SCMH1: variants seen among roughly 807,000 people sequenced by gnomAD.
SCMH1 encodes Scm polycomb group protein homolog 1.
A neutral mutation model predicts 70.8 loss-of-function variants in SCMH1; 37 were observed. The ratio of observed to expected loss-of-function variants is 0.52; its 90% CI spans 0.40 to 0.69. SCMH1 has a LOEUF of 0.69. Among genes scored for constraint, SCMH1 ranks in the 30% least tolerant of loss-of-function variants. The pLI is 0.00. For missense variants in SCMH1, 607 were observed against 827.3 expected (o/e 0.73, Z 3.27); for synonymous variants, 292 against 307.4 (o/e 0.95, Z 0.52).
At chr1:41,036,500 C>G (rs1217279016) in intron 13 of SCMH1, among the ~76,000 whole-genome samples, 1 of 152,216 alleles carries the variant, frequency 6.6e-6, no homozygotes, top group Non-Finnish European at 1.5e-5. Flanking sequence ...TGTCTCTGCC[C>G]TAACCCAGGC....
chr1:41,040,826 T>G (rs991608026), intron 12 of SCMH1, among the ~76,000 whole-genome samples: 13 of 152,006 alleles, frequency 8.6e-5, no homozygotes, highest in Non-Finnish European at 1.5e-4. Flanking sequence ...ATCGTGCCAT[T>G]GCACTCCAGC....
intron 6 of SCMH1, among the ~76,000 whole-genome samples, chr1:41,142,240 C>CTAGAGT (rs1644161716): frequency 6.6e-6 from 1 of 151,960 alleles, no homozygotes; most frequent in South Asian, 2.1e-4. Context: ...AGTCAAAGTC[C>CTAGAGT]ATAATCTAAC....
At chr1:41,194,586 C>G (rs573012518) in intron 1 of SCMH1, among the ~76,000 whole-genome samples, 1 of 152,256 alleles carries the variant, frequency 6.6e-6, no homozygotes, top group South Asian at 2.1e-4. Flanking sequence ...AGTTCAGAAC[C>G]CTGATTCTGT....
rs561840550 is a variant in SCMH1, at chr1:41,028,538, G to A, written c.1821+46C>T. ...TCTCGTATTGTCCCCACCAGGTGAG[G>A]CTCTCCACACAGGTTCCTACTGAGA... On this transcript the variant is annotated intron_variant, in intron 14 of 14. Coordinates refer to ENST00000337495, the Ensembl canonical transcript of SCMH1. 5.0e-6 allele frequency: 8 copies of A among 1,610,282 alleles called. No individual in the cohort carries two copies. The African/African-American group carries it at 9.3e-5, about 19-fold the overall frequency.
chr1:41,211,211 T>C (rs957990772), intron 1 of SCMH1, among the ~76,000 whole-genome samples: 2 of 152,050 alleles, frequency 1.3e-5, no homozygotes, highest in African/African-American at 2.4e-5. Flanking sequence ...AAAGAAACTA[T>C]CATCAGAGTG....
chr1:41,171,150 A>AG (rs1479697212), intron 2 of SCMH1, among the ~76,000 whole-genome samples: 2 of 152,208 alleles, frequency 1.3e-5, no homozygotes, highest in African/African-American at 4.8e-5. Context: ...CCAGTAGCAG[A>AG]GATCAACATT....
At chr1:41,057,986 G>C (rs548552268) in intron 10 of SCMH1, among the ~76,000 whole-genome samples, 7 of 152,002 alleles carry the variant, frequency 4.6e-5, no homozygotes, top group African/African-American at 1.7e-4. Context: ...GCCAGGTGTG[G>C]TGGCGTGCGC....
intron 8 of SCMH1, among the ~76,000 whole-genome samples, chr1:41,100,567 CTTT>C (rs72221588): frequency 8.2e-5 from 10 of 122,492 alleles, no homozygotes; most frequent in East Asian, 2.4e-4. Context: ...TTTTCTTTTT[CTTT>C]TTTTTTTTTT....
intron 8 of SCMH1, among the ~76,000 whole-genome samples, chr1:41,085,802 A>G (rs1661447914): frequency 6.7e-6 from 1 of 149,738 alleles, no homozygotes; most frequent in South Asian, 2.1e-4. Flanking sequence ...TTTGGATATT[A>G]TGGATTAAAT....
intron 8 of SCMH1, among the ~76,000 whole-genome samples, chr1:41,106,742 T>G (rs1414600754): frequency 6.6e-6 from 1 of 151,722 alleles, no homozygotes; most frequent in Non-Finnish European, 1.5e-5. Flanking sequence ...CAGGCTGGAG[T>G]GCAGTGGCGC....
intron 8 of SCMH1, among the ~76,000 whole-genome samples, chr1:41,104,397 A>G (rs1667358198): frequency 1.3e-5 from 2 of 152,230 alleles, no homozygotes; most frequent in Non-Finnish European, 2.9e-5. Flanking sequence ...AGGTCTGGAC[A>G]CAATATATCT....
At chr1:41,230,042 G>C (rs922501791) in intron 1 of SCMH1, among the ~76,000 whole-genome samples, 1 of 152,166 alleles carries the variant, frequency 6.6e-6, no homozygotes, top group Admixed American at 6.5e-5. Context: ...AGGGGATGGT[G>C]GCACTATGTG....
intron 6 of SCMH1, among the ~76,000 whole-genome samples, chr1:41,124,252 TA>T (rs1286261187): frequency 6.6e-6 from 1 of 152,138 alleles, no homozygotes; most frequent in East Asian, 1.9e-4. Context: ...ACTTCACCCC[TA>T]AATATATCAG....
At chr1:41,156,122 T>G (rs1557683485) in intron 4 of SCMH1, among the ~76,000 whole-genome samples, 1 of 152,172 alleles carries the variant, frequency 6.6e-6, no homozygotes, top group African/African-American at 2.4e-5. Flanking sequence ...CCGCTCTTTA[T>G]AGTCAGCCAA....
chr1:41,109,792 T>C (rs1668821017), intron 8 of SCMH1, among the ~76,000 whole-genome samples: 1 of 152,186 alleles, frequency 6.6e-6, no homozygotes, highest in Non-Finnish European at 1.5e-5. Context: ...TCATATTTCT[T>C]ATCAGCAAGG....
intron 1 of SCMH1, among the ~76,000 whole-genome samples, chr1:41,208,434 T>TA (rs1557828293): frequency 0.01 from 405 of 40,302 alleles, 4 homozygotes; most frequent in African/African-American, 0.022. Context: ...AAGAAAAAAA[T>TA]TAAAAAAAAA....
chr1:41,028,782 A>G (rs1251349162), intron 13 of SCMH1, 56 bp from the exon 15 acceptor site: 4 of 1,587,322 alleles, frequency 2.5e-6, no homozygotes, highest in Non-Finnish European at 3.4e-6. Flanking sequence ...GTAAATCCCC[A>G]CCACTCTCCT....
At chr1:41,051,117 A>G (rs763618527) in intron 10 of SCMH1, among the ~76,000 whole-genome samples, 1 of 152,230 alleles carries the variant, frequency 6.6e-6, no homozygotes, top group Non-Finnish European at 1.5e-5. Context: ...ATGCCACATA[A>G]TGACATTTTG....
intron 8 of SCMH1, among the ~76,000 whole-genome samples, chr1:41,081,343 A>G (rs182838585): frequency 4.6e-5 from 7 of 152,364 alleles, no homozygotes; most frequent in African/African-American, 1.7e-4. Context: ...ATTCCAATAG[A>G]AATCTCAGCA....
Sources: allele counts gnomAD v4.1 joint callset (sites outside exome capture counted in the v4.1 genomes callset), GRCh38; gene constraint gnomAD v4.1.1; transcripts MANE v1.5; gene names NCBI Gene and HGNC (gene_info 2026-07-23, HGNC 2026-07-21).